Variants in GLYR1 observed in about 807,000 individuals in gnomAD.
The protein encoded by GLYR1 is glyoxylate reductase 1 homolog.
GLYR1 carries 21 observed loss-of-function variants against 72.7 expected under a neutral mutation model. The ratio of observed to expected loss-of-function variants is 0.29; its 90% CI spans 0.20 to 0.42. The LOEUF (loss-of-function observed/expected upper bound fraction) is 0.42. Ranked by LOEUF, GLYR1 falls within the 10% of genes least tolerant of loss-of-function variation. The pLI, the probability that GLYR1 is intolerant of heterozygous loss-of-function variation, is 1.00. For missense variants in GLYR1, 594 were observed against 712.1 expected, an observed-to-expected ratio of 0.83 and a Z score of 1.89; for synonymous variants, 392 against 270.2, an observed-to-expected ratio of 1.45 and a Z score of -4.42.
chr16:4,807,883 G>T (rs929995485), intron 15 of GLYR1, among the ~76,000 whole-genome samples: 7 of 152,220 alleles, frequency 4.6e-5, no homozygotes, highest in African/African-American at 1.7e-4. Flanking sequence ...AATGTAATCT[G>T]AAAGAGTCAT....
intron 11 of GLYR1, 137 bp downstream of exon 11, chr16:4,814,400 T>C: frequency 1.4e-6 from 1 of 693,648 alleles, no homozygotes; most frequent in South Asian, 1.6e-5. Context: ...CCCTTCACAA[T>C]GGGAGATGGC....
intron 3 of GLYR1, among the ~76,000 whole-genome samples, chr16:4,841,207 G>A (rs1422720522): frequency 6.6e-6 from 1 of 151,894 alleles, no homozygotes; most frequent in Non-Finnish European, 1.5e-5. Flanking sequence ...ATCACCACTG[G>A]CTTCACCTGT....
intron 1 of GLYR1, chr16:4,846,873 C>T (rs1391816419): frequency 2.8e-6 from 1 of 362,242 alleles, no homozygotes; most frequent in African/African-American, 2.2e-5. Flanking sequence ...GTCCCCGGCG[C>T]TTCTGCTTTC....
At position 4,803,540 on chromosome 16, in the gene GLYR1, T is replaced by C. The variant is rs902785712; in HGVS notation, c.*1696A>G. 4 of 152,476 alleles carry C rather than the reference T, an allele frequency of 2.6e-5. No individual in the cohort carries two copies. The highest frequency in any genetic ancestry group is 4.8e-5 in the African/African-American group (2 of 41,394). 9.4% of individuals were successfully genotyped at this position (152,476 alleles called of 1,614,324 possible). ...AATTGTCAACAATATTAAGACAAAATTGACTAACCGGTTTCATTACCGCAT... is the reference window on the plus strand; with the variant it reads ...AATTGTCAACAATATTAAGACAAAACTGACTAACCGGTTTCATTACCGCAT... On this transcript the variant is annotated 3_prime_UTR_variant, in exon 16 of 16. Transcript: ENST00000321919.
intron 10 of GLYR1, among the ~76,000 whole-genome samples, chr16:4,816,368 C>A (rs2083643803): frequency 2.6e-5 from 4 of 152,072 alleles, no homozygotes; most frequent in Non-Finnish European, 1.5e-5. Flanking sequence ...GTCTCAAATT[C>A]CTGGACTCAA....
chr16:4,840,491 T>C (rs2085467888), intron 3 of GLYR1, among the ~76,000 whole-genome samples: 1 of 152,142 alleles, frequency 6.6e-6, no homozygotes, highest in Non-Finnish European at 1.5e-5. Context: ...GCTGACATCC[T>C]TTAGGAACTT....
At chr16:4,820,936 C>T (rs1229236556) in intron 9 of GLYR1, among the ~76,000 whole-genome samples, 1 of 152,220 alleles carries the variant, frequency 6.6e-6, no homozygotes, top group African/African-American at 2.4e-5. Flanking sequence ...ACCTGCCCCA[C>T]CATGGCCAAT....
chr16:4,806,346 C>G (rs1008274854), intron 15 of GLYR1, among the ~76,000 whole-genome samples: 1 of 151,920 alleles, frequency 6.6e-6, no homozygotes, highest in African/African-American at 2.4e-5. Context: ...GGAAATGGTA[C>G]AAGATTAACT....
intron 5 of GLYR1, among the ~76,000 whole-genome samples, chr16:4,830,498 C>A (rs545020182): frequency 6.6e-6 from 1 of 152,182 alleles, no homozygotes; most frequent in Non-Finnish European, 1.5e-5. Flanking sequence ...AGCTGGGGTG[C>A]CTGGCACCCG....
intron 2 of GLYR1, among the ~76,000 whole-genome samples, chr16:4,845,418 C>T (rs939391061): frequency 1.3e-5 from 2 of 152,148 alleles, no homozygotes; most frequent in African/African-American, 4.8e-5. Context: ...TCAGTAGACA[C>T]AATATCCCTT....
At chr16:4,815,243 C>G (rs2083563670) in intron 10 of GLYR1, among the ~76,000 whole-genome samples, 3 of 151,784 alleles carry the variant, frequency 2.0e-5, no homozygotes, top group African/African-American at 7.3e-5. Flanking sequence ...ATAGCTGGGA[C>G]TATAGGTGCA....
At chr16:4,826,953 C>T (rs553791956) in intron 5 of GLYR1, among the ~76,000 whole-genome samples, 8 of 152,310 alleles carry the variant, frequency 5.3e-5, no homozygotes, top group Middle Eastern at 3.4e-3. Flanking sequence ...TAAACTTCTG[C>T]TCCTCGTGTG....
At chr16:4,845,203 C>T (rs1331979660) in intron 2 of GLYR1, 50 bp from the exon 3 acceptor site, 10 of 1,273,962 alleles carry the variant, frequency 7.8e-6, no homozygotes, top group Non-Finnish European at 3.4e-6. Flanking sequence ...CAGCAGCCCA[C>T]TTTCTAGTGG....
At chr16:4,821,067 T>C (rs542427964) in intron 9 of GLYR1, 164 of 456,240 alleles carry the variant, frequency 3.6e-4, no homozygotes, top group East Asian at 1.7e-3. Flanking sequence ...CCCGGACATA[T>C]TGACTGAGAA....
At chr16:4,821,708 G>T in intron 7 of GLYR1, 111 bp from the exon 8 acceptor site, 1 of 984,740 alleles carries the variant, frequency 1.0e-6, no homozygotes, top group Non-Finnish European at 1.6e-6. Context: ...TCAACTATTT[G>T]TTTTATACTT....
At chr16:4,845,819 T>C (rs2085982051) in intron 2 of GLYR1, among the ~76,000 whole-genome samples, 1 of 152,226 alleles carries the variant, frequency 6.6e-6, no homozygotes, top group Non-Finnish European at 1.5e-5. Flanking sequence ...AAAAATACTT[T>C]GGCTTTTCAC....
At chr16:4,823,511 A>T (rs1206236149) in intron 6 of GLYR1, among the ~76,000 whole-genome samples, 1 of 152,188 alleles carries the variant, frequency 6.6e-6, no homozygotes, top group Non-Finnish European at 1.5e-5. Flanking sequence ...AGGGGAAAAA[A>T]ACTTGTGGAA....
rs142885269 is a variant in GLYR1 at position 4,814,593 on chromosome 16, C to T, written c.961G>A (p.Val321Ile). The T allele has an allele frequency of 1.2e-5, 20 of 1,614,018 alleles. No individual in the cohort carries two copies. The highest frequency in any genetic ancestry group is 5.5e-5 in the South Asian group (5 of 91,090). ...ARLGRTPAEV[V>I]STCDITFACV... ...GCGAAAGTGATGTCGCAGGTTGAGACGACTTCAGCGGGGGTTCTTCCCAGA... is the reference window on the plus strand; with the variant it reads ...GCGAAAGTGATGTCGCAGGTTGAGATGACTTCAGCGGGGGTTCTTCCCAGA... The change falls in exon 11 of 16, where the codon GTC becomes ATC. Residue 321 changes from valine to isoleucine, a missense_variant. This residue lies in a region of GLYR1 where 266 missense variants were observed against 358.4 expected (regional missense o/e 0.74). Coordinates refer to ENST00000321919, the MANE Select transcript of GLYR1 (RefSeq NM_032569.4).
intron 3 of GLYR1, chr16:4,839,942 CCCTAT>C (rs1250441110): frequency 9.9e-5 from 15 of 152,172 alleles, no homozygotes; most frequent in African/African-American, 3.6e-4. Flanking sequence ...CTGGGTCAGA[CCCTAT>C]CCACCTGGGC....
Sources: gnomAD v4.1 joint callset for allele counts (sites outside exome capture counted in the v4.1 genomes callset) on GRCh38, gnomAD v4.1.1 for gene constraint, gnomAD v4.1.1 regional missense constraint, MANE v1.5 for transcripts, NCBI Gene and HGNC (gene_info 2026-07-23, HGNC 2026-07-21) for gene names.